ARHGAP6: variants seen among roughly 807,000 people sequenced by gnomAD.
ARHGAP6 encodes the protein rho GTPase-activating protein 6.
ARHGAP6 carries 16 observed loss-of-function variants against 55.7 expected under a neutral mutation model. The ratio of observed to expected loss-of-function variants is 0.29; its 90% confidence interval spans 0.19 to 0.44. The LOEUF is 0.44. Among genes scored for constraint, ARHGAP6 ranks in the 20% least tolerant of loss-of-function variants. The probability of loss-of-function intolerance (pLI) is 1.00; values close to 1 mark genes in which losing one functional copy is unlikely to be tolerated. For missense variants in ARHGAP6, 698 were observed against 808.9 expected, an observed-to-expected ratio of 0.86 and a Z score of 1.66; for synonymous variants, 382 against 360.9, an observed-to-expected ratio of 1.06 and a Z score of -0.66.
intron 1 of ARHGAP6, among the ~76,000 whole-genome samples, chrX:11,577,697 A>G (rs1261716788): frequency 8.9e-6 from 1 of 111,863 alleles, no homozygotes; most frequent in Non-Finnish European, 1.9e-5. Flanking sequence ...CTAGAGGCCC[A>G]GAATGGTGGT....
chrX:11,144,360 G>T, intron 10 of ARHGAP6, 112 bp from the exon 11 acceptor site: 1 of 995,566 alleles, frequency 1.0e-6, no homozygotes, highest in Non-Finnish European at 1.4e-6. Context: ...GACACGGGCT[G>T]AAACAAAAAG....
chrX:11,554,359 A>G (rs1169966381), intron 1 of ARHGAP6, among the ~76,000 whole-genome samples: 2 of 111,798 alleles, frequency 1.8e-5, no homozygotes, highest in East Asian at 5.6e-4. Context: ...GATAGAGAGA[A>G]TAAGTTCTAA....
At chrX:11,257,362 T>C (rs972584575) in intron 1 of ARHGAP6, among the ~76,000 whole-genome samples, 3 of 112,399 alleles carry the variant, frequency 2.7e-5, no homozygotes, top group Middle Eastern at 4.6e-3. Context: ...ATAGAAAATA[T>C]ATCAGGCTTT....
chrX:11,188,822 G>A lies in ARHGAP6; in HGVS notation c.983C>T (p.Ser328Leu). The A allele has an allele frequency of 1.7e-6, 2 of 1,211,772 alleles. No homozygotes were observed. The highest frequency in any genetic ancestry group is 2.2e-6 in the Non-Finnish European group (2 of 895,550). Residue 328 changes from serine (S) to leucine (L), a missense_variant, in exon 4 of 13, where the codon TCA (serine) becomes TTA (leucine). Physicochemically the swap from Ser to Leu is moderately radical, Grantham distance 145 (BLOSUM62 -2). This residue lies in a region of ARHGAP6 where 322 missense variants were observed against 451.1 expected (regional missense o/e 0.71). Coordinates refer to ENST00000337414, the MANE Select transcript of ARHGAP6 (RefSeq NM_013427.3). ...FGNKRQNKEL[S>L]SSNSSLSSTS... Reference sequence around the variant, plus strand: ...TGAGCTGAGAGATGAGTTACTGCTTGAGAGTTCTTTGTTTTGTCTTTTATT... The same window carrying A: ...TGAGCTGAGAGATGAGTTACTGCTTAAGAGTTCTTTGTTTTGTCTTTTATT...
At position 11,148,416 on chromosome X, in the gene ARHGAP6, C is replaced by G. The variant is rs774038980; in HGVS notation, c.1908-4168G>C. On this transcript the variant is annotated intron_variant, in intron 10 of 12. Coordinates refer to ENST00000337414, the MANE Select transcript of ARHGAP6 (RefSeq NM_013427.3). Reference sequence around the variant, plus strand: ...TTGCCAGTTGACATAAGTTGGCATCCAAAAGTGCCTGGTGGCTTCTCTTTC... The same window carrying G: ...TTGCCAGTTGACATAAGTTGGCATCGAAAAGTGCCTGGTGGCTTCTCTTTC... Among the ~76,000 whole-genome samples the G allele has an allele frequency of 8.1e-5, 9 of 111,051 alleles. 1 individual carries two copies. In the East Asian group the frequency reaches 2.6e-3, roughly 32 times the overall value.
intron 1 of ARHGAP6, among the ~76,000 whole-genome samples, chrX:11,559,465 T>C (rs1219895472): frequency 9.0e-6 from 1 of 111,632 alleles, no homozygotes; most frequent in Non-Finnish European, 1.9e-5. Context: ...AGTTCCTTCA[T>C]ATCTCTGTTA....
chrX:11,210,825 T>A (rs971382947), intron 2 of ARHGAP6, among the ~76,000 whole-genome samples: 2 of 112,421 alleles, frequency 1.8e-5, no homozygotes, highest in Non-Finnish European at 3.8e-5. Context: ...ACCAGGAGAT[T>A]CCAACATTAA....
chrX:11,565,422 C>G (rs1390903213), intron 1 of ARHGAP6, among the ~76,000 whole-genome samples: 1 of 112,296 alleles, frequency 8.9e-6, no homozygotes, highest in Non-Finnish European at 1.9e-5. Context: ...TTCTCTGGAT[C>G]CCAGCAGCTA....
At chrX:11,629,134 C>T (rs1185433797) in intron 1 of ARHGAP6, among the ~76,000 whole-genome samples, 2 of 111,653 alleles carry the variant, frequency 1.8e-5, no homozygotes, top group African/African-American at 6.5e-5. Flanking sequence ...GGGAACCTGC[C>T]TACTTTCCTC....
chrX:11,250,993 G>A (rs1286075744), intron 2 of ARHGAP6, among the ~76,000 whole-genome samples: 3 of 111,811 alleles, frequency 2.7e-5, no homozygotes, highest in Non-Finnish European at 5.6e-5. Flanking sequence ...CTAAGGCTGG[G>A]GAATTAAAAG....
At chrX:11,248,319 T>C (rs774803094) in intron 2 of ARHGAP6, among the ~76,000 whole-genome samples, 1 of 111,944 alleles carries the variant, frequency 8.9e-6, no homozygotes, top group East Asian at 2.8e-4. Context: ...TATGTATCTG[T>C]GAGATACAGT....
chrX:11,330,337 G>A (rs958598104), intron 1 of ARHGAP6, among the ~76,000 whole-genome samples: 3 of 112,582 alleles, frequency 2.7e-5, no homozygotes, highest in African/African-American at 9.7e-5. Context: ...TATTTGGGAT[G>A]TATATGTTAA....
chrX:11,257,599 A>G (rs147425023), intron 1 of ARHGAP6, among the ~76,000 whole-genome samples: 1,277 of 112,399 alleles, frequency 0.011, 24 homozygotes, highest in African/African-American at 0.039. Context: ...CTTATTTACT[A>G]AGTCCTCCTG....
chrX:11,358,604 C>T (rs111862964), intron 1 of ARHGAP6, among the ~76,000 whole-genome samples: 2,318 of 109,235 alleles, frequency 0.021, 32 homozygotes, highest in Middle Eastern at 0.066. Context: ...CTCAGCCTCC[C>T]GAGTAGCTGG....
chrX:11,569,838 T>C (rs181323389), intron 1 of ARHGAP6, among the ~76,000 whole-genome samples: 1 of 112,394 alleles, frequency 8.9e-6, no homozygotes, highest in African/African-American at 3.2e-5. Flanking sequence ...TCAACAGGCA[T>C]TTCTGTTGCT....
chrX:11,179,934 C>T, intron 6 of ARHGAP6, among the ~76,000 whole-genome samples: 1 of 109,116 alleles, frequency 9.2e-6, no homozygotes, highest in Admixed American at 9.9e-5. Context: ...TAATCTATTA[C>T]ACAGCATTTC....
intron 1 of ARHGAP6, among the ~76,000 whole-genome samples, chrX:11,502,903 T>G (rs190922732): frequency 1.3e-3 from 142 of 110,710 alleles, no homozygotes; most frequent in African/African-American, 4.4e-3. Context: ...TTTTTTCTTT[T>G]CTTTTCTTTT....
chrX:11,607,702 G>GCA (rs1250665785), intron 1 of ARHGAP6, among the ~76,000 whole-genome samples: 2 of 112,268 alleles, frequency 1.8e-5, no homozygotes, highest in Admixed American at 9.4e-5. Context: ...TGTTGGCTTG[G>GCA]TTACTGTTAA....
intron 1 of ARHGAP6, among the ~76,000 whole-genome samples, chrX:11,270,735 A>G (rs749703760): frequency 1.3e-4 from 14 of 112,000 alleles, no homozygotes; most frequent in African/African-American, 3.9e-4. Flanking sequence ...GAATGAACTG[A>G]TAAGAAGCGA....
Sources: allele counts gnomAD v4.1 joint callset (sites outside exome capture counted in the v4.1 genomes callset), GRCh38; gene constraint gnomAD v4.1.1; regional missense constraint gnomAD v4.1.1; transcripts MANE v1.5; gene names NCBI Gene and HGNC (gene_info 2026-07-23, HGNC 2026-07-21).